GFRA1: variants seen among roughly 807,000 people sequenced by gnomAD.
GFRA1 encodes GDNF family receptor alpha-1.
In GFRA1, 16 loss-of-function variants were observed where a neutral mutation model predicts 51.6. That is an observed-to-expected ratio of 0.31 (90% CI 0.21 to 0.47). The LOEUF (loss-of-function observed/expected upper bound fraction) is 0.47. GFRA1 is among the 20% of genes least tolerant of loss of function. The probability of loss-of-function intolerance (pLI) is 1.00; values close to 1 mark genes in which losing one functional copy is unlikely to be tolerated. For synonymous variants in GFRA1, 270 were observed against 241.3 expected, an observed-to-expected ratio of 1.12 and a Z score of -1.10; for missense variants, 530 against 594.3, an observed-to-expected ratio of 0.89 and a Z score of 1.13.
chr10:116,255,752 C>T (rs1316866102), intron 4 of GFRA1: 1 of 1,288,444 alleles, frequency 7.8e-7, no homozygotes, highest in Non-Finnish European at 1.0e-6. Flanking sequence ...TGGCATTGCA[C>T]TCTGCACTTT....
chr10:116,080,729 G>A (rs890554373), intron 9 of GFRA1, among the ~76,000 whole-genome samples: 2 of 152,222 alleles, frequency 1.3e-5, no homozygotes, highest in Admixed American at 1.3e-4. Context: ...TCAGGATTAG[G>A]TCAGGTTACC....
intron 4 of GFRA1, among the ~76,000 whole-genome samples, chr10:116,221,155 A>G (rs1965896683): frequency 6.6e-6 from 1 of 152,198 alleles, no homozygotes; most frequent in Admixed American, 6.5e-5. Flanking sequence ...CCTCTCAGTC[A>G]CCCTAAAAGG....
intron 5 of GFRA1, among the ~76,000 whole-genome samples, chr10:116,146,121 A>G (rs975909279): frequency 1.3e-5 from 2 of 152,144 alleles, no homozygotes; most frequent in African/African-American, 2.4e-5. Context: ...TGATAATTTT[A>G]TCTTTTTCAT....
chr10:116,103,901 T>G (rs1956908124), intron 6 of GFRA1, among the ~76,000 whole-genome samples: 1 of 152,196 alleles, frequency 6.6e-6, no homozygotes, highest in South Asian at 2.1e-4. Flanking sequence ...TGTGTTGCTA[T>G]TGCTGTCTGG....
rs138436941 is a variant in GFRA1 at position 116,063,483 on chromosome 10, G to A, written c.*915C>T. 5.8e-4 allele frequency: 88 copies of A among 152,234 alleles called. No homozygotes were observed. The highest frequency in any genetic ancestry group is 2.0e-3 in the African/African-American group (84 of 41,536). The allele number at this position is 152,234 out of a possible 1,614,324, so 9.4% of individuals were successfully genotyped here. On this transcript the variant is annotated 3_prime_UTR_variant, in exon 11 of 11. Transcript: ENST00000355422. ...CTGTGTATTTTGTATTAAACCATCA[G>A]TAAAAAAATGAGACAATATCATTAC...
At chr10:116,269,102 T>C (rs2074986) in intron 4 of GFRA1, among the ~76,000 whole-genome samples, 28,076 of 152,140 alleles carry the variant, frequency 0.18, 3,837 homozygotes, top group African/African-American at 0.38. Flanking sequence ...TCTTGTAAAG[T>C]AAGTGGCATA....
chr10:116,242,266 A>G (rs1967453990), intron 4 of GFRA1, among the ~76,000 whole-genome samples: 1 of 152,230 alleles, frequency 6.6e-6, no homozygotes, highest in African/African-American at 2.4e-5. Flanking sequence ...TTATGTGCAG[A>G]TGTAACTCAG....
intron 5 of GFRA1, among the ~76,000 whole-genome samples, chr10:116,175,743 A>C (rs1160213675): frequency 6.6e-6 from 1 of 152,228 alleles, no homozygotes; most frequent in East Asian, 1.9e-4. Context: ...TCAATATGGT[A>C]ATAAAAGGAA....
At chr10:116,215,057 C>T (rs1222117653) in intron 4 of GFRA1, among the ~76,000 whole-genome samples, 1 of 152,108 alleles carries the variant, frequency 6.6e-6, no homozygotes, top group Admixed American at 6.5e-5. Context: ...CAATTTTGCA[C>T]GTGAATTATC....
intron 4 of GFRA1, among the ~76,000 whole-genome samples, chr10:116,243,982 A>C (rs1161354775): frequency 6.6e-6 from 1 of 152,244 alleles, no homozygotes; most frequent in Non-Finnish European, 1.5e-5. Context: ...AAAATGGCCC[A>C]GCATCCATGA....
At chr10:116,207,057 C>G (rs1964833542) in intron 5 of GFRA1, among the ~76,000 whole-genome samples, 1 of 152,188 alleles carries the variant, frequency 6.6e-6, no homozygotes, top group Non-Finnish European at 1.5e-5. Context: ...CTCAAGTCCA[C>G]TTAAAACTTC....
intron 5 of GFRA1, among the ~76,000 whole-genome samples, chr10:116,194,602 G>A (rs1963574287): frequency 6.6e-6 from 1 of 152,096 alleles, no homozygotes; most frequent in Non-Finnish European, 1.5e-5. Context: ...GATTACCAAT[G>A]TTCAATAATT....
In GFRA1 at chr10:116,096,725, C is replaced by G; in HGVS notation, c.810G>C (p.Glu270Asp). The change falls in exon 7 of 11, where the codon GAG (glutamate) becomes GAC (aspartate). Residue 270 changes from glutamate to aspartate, a missense_variant. Coordinates refer to ENST00000355422, the MANE Select transcript of GFRA1 (RefSeq NM_005264.8). ...TTAGACAGCTGCTGACAGACCTTGA[C>G]TCTGGCTGGCAGTTGGTAAAAAAAT... ...LADFFTNCQP[E>D]SRSVSSCLKE... 6.2e-7 allele frequency: 1 copy of G among 1,613,050 alleles called. No individual in the cohort carries two copies. The highest frequency in any genetic ancestry group is 8.5e-7 in the Non-Finnish European group (1 of 1,179,316).
At chr10:116,078,510 C>T (rs906340335) in intron 9 of GFRA1, among the ~76,000 whole-genome samples, 2 of 152,090 alleles carry the variant, frequency 1.3e-5, no homozygotes, top group Non-Finnish European at 2.9e-5. Flanking sequence ...ATAAAGCTTC[C>T]AGGAGGGCCC....
intron 9 of GFRA1, among the ~76,000 whole-genome samples, chr10:116,079,981 C>T (rs1955780953): frequency 6.6e-6 from 1 of 152,090 alleles, no homozygotes; most frequent in Non-Finnish European, 1.5e-5. Flanking sequence ...CTCCACAGGC[C>T]ACGAAGACCA....
At chr10:116,142,870 G>C (rs1958630720) in intron 5 of GFRA1, among the ~76,000 whole-genome samples, 1 of 152,140 alleles carries the variant, frequency 6.6e-6, no homozygotes, top group African/African-American at 2.4e-5. Flanking sequence ...ACAGGGACTA[G>C]ACTCCTCATA....
chr10:116,188,439 A>C (rs1962933587), intron 5 of GFRA1, among the ~76,000 whole-genome samples: 1 of 152,198 alleles, frequency 6.6e-6, no homozygotes, highest in Non-Finnish European at 1.5e-5. Flanking sequence ...AAAGTAGAAC[A>C]GTGGTTGCCA....
chr10:116,069,852 T>C lies in GFRA1; in HGVS notation c.1198-4226A>G, dbSNP rs145221376. On this transcript the variant is annotated intron_variant, in intron 9 of 10. Coordinates refer to ENST00000355422, the MANE Select transcript of GFRA1 (RefSeq NM_005264.8). ...CCCACAGCAGGCTCTCCCCAAGCTC[T>C]GGGGACAGGTCAGGCTTGCGAGCAG... 4.0e-3 allele frequency among the ~76,000 whole-genome samples: 604 copies of C among 152,296 alleles called. 1 individual carries two copies. The highest frequency in any genetic ancestry group is 0.014 in the African/African-American group (567 of 41,566).
chr10:116,125,128 G>C (rs1565593185), intron 6 of GFRA1, 93 bp downstream of exon 6: 2 of 1,111,744 alleles, frequency 1.8e-6, no homozygotes, highest in East Asian at 4.8e-5. Flanking sequence ...CTCTACCTTG[G>C]TAGAAGCACA....
Sources: allele counts gnomAD v4.1 joint callset (sites outside exome capture counted in the v4.1 genomes callset), GRCh38; gene constraint gnomAD v4.1.1; transcripts MANE v1.5; gene names NCBI Gene and HGNC (gene_info 2026-07-23, HGNC 2026-07-21).